The following ZMAT1 variants were observed in gnomAD, a reference collection of about 807,000 sequenced individuals.
The protein encoded by ZMAT1 is zinc finger matrin-type 1.
Under a neutral mutation model 18.5 loss-of-function variants are expected in ZMAT1, and 11 were observed. That is an observed-to-expected ratio of 0.59 (90% CI 0.37 to 0.98). The LOEUF is 0.98. ZMAT1 is among the 50% of genes least tolerant of loss of function. The probability of loss-of-function intolerance (pLI) is 0.01; values close to 1 mark genes in which losing one functional copy is unlikely to be tolerated. For synonymous variants in ZMAT1, 211 were observed against 176.4 expected (o/e 1.20, Z -1.55); for missense variants, 525 against 496.2 (o/e 1.06, Z -0.55).
In ZMAT1 at chrX:101,925,192, ATGG is replaced by A. The variant is rs772176247; in HGVS notation, c.292+6522_292+6524del. 1.2e-4 allele frequency among the ~76,000 whole-genome samples: 14 copies of A among 112,117 alleles called. No individual in the cohort carries two copies. In the East Asian group the frequency reaches 3.3e-3, roughly 27 times the overall value. Reference sequence around the variant, plus strand: ...AATCCACTTCTGAATAACATTTATGATGGTTATTTGAAATGAAATGGTAGTTTT... The same window carrying A: ...AATCCACTTCTGAATAACATTTATGATTATTTGAAATGAAATGGTAGTTTT... On this transcript the variant is annotated intron_variant, in intron 1 of 5. Transcript: ENST00000651725.
In ZMAT1 at chrX:101,927,255, T is replaced by C. The variant is rs921596245; in HGVS notation, c.292+4462A>G. 1.1e-4 allele frequency among the ~76,000 whole-genome samples: 12 copies of C among 112,037 alleles called. No homozygotes were observed. In the East Asian group the frequency reaches 3.3e-3, roughly 31 times the overall value. On this transcript the variant is annotated intron_variant, in intron 1 of 5. Coordinates refer to ENST00000651725, the MANE Select transcript of ZMAT1 (RefSeq NM_001394560.1). ...AGTTATAGGAGACTGGGGAACTGAGTTAACCTACACAAAATGTTTTAACTC... is the reference window on the plus strand; with the variant it reads ...AGTTATAGGAGACTGGGGAACTGAGCTAACCTACACAAAATGTTTTAACTC...
At chrX:101,897,214 T>A (rs1424251672) in intron 4 of ZMAT1, among the ~76,000 whole-genome samples, 4 of 107,445 alleles carry the variant, frequency 3.7e-5, no homozygotes, top group Non-Finnish European at 7.7e-5. Flanking sequence ...TTGGAAATCA[T>A]CATTGTCAGT....
Position 101,894,607 on chromosome X carries a change from G to A in ZMAT1, c.676+3261C>T, listed in dbSNP as rs901492721. 20 of 544,387 alleles carry A rather than the reference G, an allele frequency of 3.7e-5. No homozygotes were observed. The East Asian group carries it at 2.1e-3, about 58-fold the overall frequency. The allele number at this position is 544,387 out of a possible 1,213,427, so 44.9% of individuals were successfully genotyped here. ...AAATGAAATCAGGGAAATAGAAATC[G>A]TGTTTGTAGAGTAAGGTCAAGGATG... is the stretch of plus-strand genomic sequence containing the variant. On this transcript the variant is annotated intron_variant, in intron 4 of 5. Coordinates refer to ENST00000651725, the MANE Select transcript of ZMAT1 (RefSeq NM_001394560.1).
chrX:101,931,877 T>TGCC lies in ZMAT1; in HGVS notation c.129_131dup (p.Ala44dup), dbSNP rs755259738. The TGCC allele has an allele frequency of 4.0e-3, 3,184 of 794,164 alleles. 24 individuals are homozygous for TGCC. Among genetic ancestry groups the TGCC allele is most frequent in the African/African-American group, 0.027 (1,184 of 43,105 alleles). The allele number at this position is 794,164 out of a possible 1,213,427, so 65.4% of individuals were successfully genotyped here. A position where few individuals can be genotyped will look rare whatever the true frequency, so the allele number is the denominator to read the frequency against. Reference sequence around the variant, plus strand: ...TGGCGGAGGAGGCAGGAACAATTACTGCCGCCGCCGCCGCCGCCGCCGCCG... The same window carrying TGCC: ...TGGCGGAGGAGGCAGGAACAATTACTGCCGCCGCCGCCGCCGCCGCCGCCGCCG... On this transcript the variant is annotated inframe_insertion, in exon 1 of 6. Transcript: ENST00000651725.
chrX:101,903,394 T>C (rs916081504), intron 2 of ZMAT1, among the ~76,000 whole-genome samples: 4 of 111,951 alleles, frequency 3.6e-5, no homozygotes, highest in Admixed American at 1.9e-4. Flanking sequence ...AATTTCCCTA[T>C]CTGTAATTAT....
chrX:101,918,774 A>G (rs1929530991), intron 1 of ZMAT1: 2 of 111,924 alleles, frequency 1.8e-5, no homozygotes, highest in Non-Finnish European at 1.9e-5. Context: ...AAAATTTAAC[A>G]CTTATTTCTC....
chrX:101,921,090 G>A lies in ZMAT1; in HGVS notation c.292+10627C>T, dbSNP rs767123780. Among the ~76,000 whole-genome samples, 15 of 109,985 alleles carry A rather than the reference G, an allele frequency of 1.4e-4. No individual in the cohort carries two copies. In the South Asian group the frequency reaches 5.1e-3, roughly 37 times the overall value. Reference sequence around the variant, plus strand: ...CTACTTCAAATCTACTTAATTCTCCGAAGTTGAGGCTAAATAATCTGTGCT... The same window carrying A: ...CTACTTCAAATCTACTTAATTCTCCAAAGTTGAGGCTAAATAATCTGTGCT... On this transcript the variant is annotated intron_variant, in intron 1 of 5. Transcript: ENST00000651725.
At chrX:101,910,484 G>T (rs889467393) in intron 1 of ZMAT1, among the ~76,000 whole-genome samples, 1 of 112,669 alleles carries the variant, frequency 8.9e-6, no homozygotes, top group Non-Finnish European at 1.9e-5. Context: ...TTCACAGAGA[G>T]AATTCAAAGT....
At chrX:101,894,637 C>G in intron 4 of ZMAT1, 1 of 567,855 alleles carries the variant, frequency 1.8e-6, no homozygotes, top group Non-Finnish European at 2.1e-6. Context: ...AGGATGAAAC[C>G]ATGGGAATAC....
At position 101,929,460 on chromosome X, in the gene ZMAT1, C is replaced by CAG. The variant is rs1930331979; in HGVS notation, c.292+2256_292+2257insCT. Among the ~76,000 whole-genome samples, 7 of 82,105 alleles carry CAG rather than the reference C, an allele frequency of 8.5e-5. No individual in the cohort carries two copies. The East Asian group carries it at 1.8e-3, about 21-fold the overall frequency. 71.3% of individuals were successfully genotyped at this position (82,105 alleles called of 115,157 possible). ...ATATATATATATATATATATATACACACAGAGAGAGAGAGAGAGAGAGAGA... is the reference window on the plus strand; with the variant it reads ...ATATATATATATATATATATATACACAGACAGAGAGAGAGAGAGAGAGAGAGA... On this transcript the variant is annotated intron_variant, in intron 1 of 5. Transcript: ENST00000651725.
chrX:101,911,875 C>T (rs921336980), intron 1 of ZMAT1: 72 of 1,205,330 alleles, frequency 6.0e-5, no homozygotes, highest in Non-Finnish European at 7.9e-5. Flanking sequence ...GCTCCTTGCT[C>T]AGCCAGCATG....
intron 4 of ZMAT1, among the ~76,000 whole-genome samples, chrX:101,892,013 T>G (rs1174537601): frequency 3.6e-5 from 4 of 111,597 alleles, no homozygotes; most frequent in Non-Finnish European, 7.5e-5. Flanking sequence ...CCACATCTGA[T>G]GGCCAAATTT....
At chrX:101,927,363 C>T (rs1270893378) in intron 1 of ZMAT1, among the ~76,000 whole-genome samples, 1 of 111,860 alleles carries the variant, frequency 8.9e-6, no homozygotes, top group East Asian at 2.8e-4. Context: ...TACCTCTCAG[C>T]ATGATGACCA....
chrX:101,931,528 T>C (rs1476159804), intron 1 of ZMAT1, 189 bp downstream of exon 1: 1 of 743,856 alleles, frequency 1.3e-6, no homozygotes, highest in African/African-American at 2.4e-5. Context: ...GAAGGCCCTC[T>C]CTGCTTCAGT....
chrX:101,926,496 T>C (rs1263990753), intron 1 of ZMAT1, among the ~76,000 whole-genome samples: 1 of 112,288 alleles, frequency 8.9e-6, no homozygotes, highest in Admixed American at 9.5e-5. Context: ...TAAGATGAAA[T>C]GCATTTTTAT....
At chrX:101,917,138 T>C (rs919340280) in intron 1 of ZMAT1, among the ~76,000 whole-genome samples, 2 of 112,138 alleles carry the variant, frequency 1.8e-5, no homozygotes, top group Non-Finnish European at 3.8e-5. Flanking sequence ...CAAAGATTTC[T>C]TGAGCAATAC....
intron 1 of ZMAT1, chrX:101,911,866 C>G (rs752401198): frequency 8.3e-7 from 1 of 1,204,730 alleles, no homozygotes; most frequent in Admixed American, 2.2e-5. Context: ...TCAGCCACAG[C>G]TCCTTGCTCA....
intron 1 of ZMAT1, among the ~76,000 whole-genome samples, chrX:101,926,957 A>T (rs2147686721): frequency 8.9e-6 from 1 of 112,445 alleles, no homozygotes; most frequent in Admixed American, 9.4e-5. Flanking sequence ...CTATTTTAAT[A>T]AAGTAACAAA....
intron 1 of ZMAT1, among the ~76,000 whole-genome samples, chrX:101,926,167 T>C (rs1930040977): frequency 1.8e-5 from 2 of 112,181 alleles, no homozygotes; most frequent in African/African-American, 6.5e-5. Context: ...CTTAAGTCAG[T>C]AAGATGCAAT....
Sources: allele counts gnomAD v4.1 joint callset (sites outside exome capture counted in the v4.1 genomes callset), GRCh38; gene constraint gnomAD v4.1.1; transcripts MANE v1.5; gene names NCBI Gene and HGNC (gene_info 2026-07-23, HGNC 2026-07-21).